The following CNTN3 variants were observed in gnomAD, a reference collection of about 807,000 sequenced individuals.
The protein encoded by CNTN3 is contactin 3.
In CNTN3, 60 loss-of-function variants were observed where a neutral mutation model predicts 119.1. That is an observed-to-expected ratio of 0.50 (90% CI 0.41 to 0.62). The LOEUF (loss-of-function observed/expected upper bound fraction) is 0.62, where lower values mean the gene tolerates loss of function less well. Among genes scored for constraint, CNTN3 ranks in the 20% least tolerant of loss-of-function variants. The pLI, the probability that CNTN3 is intolerant of heterozygous loss-of-function variation, is 0.00. For synonymous variants in CNTN3, 450 were observed against 438.7 expected, an observed-to-expected ratio of 1.03 and a Z score of -0.32; for missense variants, 1,101 against 1,242.4, an observed-to-expected ratio of 0.89 and a Z score of 1.71.
intron 5 of CNTN3, among the ~76,000 whole-genome samples, chr3:74,384,227 T>C (rs1005853906): frequency 7.2e-5 from 11 of 152,234 alleles, no homozygotes; most frequent in African/African-American, 2.7e-4. Flanking sequence ...GTTCCAACTA[T>C]ATTTACCGGA....
chr3:74,409,513 G>GT lies in CNTN3; in HGVS notation c.454+15331dup, dbSNP rs879680280. 3.7e-3 allele frequency among the ~76,000 whole-genome samples: 534 copies of GT among 145,750 alleles called. 2 individuals are homozygous for GT. Among genetic ancestry groups the GT allele is most frequent in the African/African-American group, 5.5e-3 (221 of 40,070 alleles). ...CTCTCTTACATTTATTTTGTCTAAA[G>GT]TTTTTTTTTTTTAACAGTACTATTA... On this transcript the variant is annotated intron_variant, in intron 5 of 22. Coordinates refer to ENST00000263665, the MANE Select transcript of CNTN3 (RefSeq NM_020872.3).
At chr3:74,322,495 A>C (rs915021705) in intron 13 of CNTN3, among the ~76,000 whole-genome samples, 5 of 152,164 alleles carry the variant, frequency 3.3e-5, no homozygotes, top group African/African-American at 1.2e-4. Context: ...GACAACATAA[A>C]ATTCTGGCGA....
intron 20 of CNTN3, among the ~76,000 whole-genome samples, chr3:74,283,267 C>G (rs1170302779): frequency 6.6e-6 from 1 of 152,124 alleles, no homozygotes; most frequent in Non-Finnish European, 1.5e-5. Flanking sequence ...GCTTCCTCCT[C>G]TCTAAAGTAA....
intron 2 of CNTN3, among the ~76,000 whole-genome samples, chr3:74,503,746 G>A (rs1436244985): frequency 3.3e-5 from 5 of 152,018 alleles, no homozygotes; most frequent in Non-Finnish European, 5.9e-5. Flanking sequence ...CGTAACATTC[G>A]GATTGACGCT....
chr3:74,485,561 A>G (rs1702838066), intron 4 of CNTN3, among the ~76,000 whole-genome samples: 1 of 152,112 alleles, frequency 6.6e-6, no homozygotes, highest in African/African-American at 2.4e-5. Context: ...ACCCATCATT[A>G]ATTTAATAAA....
intron 20 of CNTN3, among the ~76,000 whole-genome samples, chr3:74,279,556 C>T (rs1339507687): frequency 6.6e-6 from 1 of 151,390 alleles, no homozygotes; most frequent in Non-Finnish European, 1.5e-5. Flanking sequence ...AACCAAACAT[C>T]GTATGTTCTC....
At chr3:74,330,787 G>A (rs1033741610) in intron 13 of CNTN3, among the ~76,000 whole-genome samples, 5 of 151,892 alleles carry the variant, frequency 3.3e-5, no homozygotes, top group South Asian at 4.2e-4. Flanking sequence ...CTGACCCTGC[G>A]TAGGCCTAGG....
At chr3:74,335,620 C>T (rs771933941) in intron 12 of CNTN3, among the ~76,000 whole-genome samples, 18 of 152,118 alleles carry the variant, frequency 1.2e-4, no homozygotes, top group Non-Finnish European at 2.5e-4. Context: ...CCCTCTTTAA[C>T]TCAGTCTAGC....
At chr3:74,284,247 T>TA (rs1047583109) in intron 20 of CNTN3, among the ~76,000 whole-genome samples, 1 of 152,190 alleles carries the variant, frequency 6.6e-6, no homozygotes, top group African/African-American at 2.4e-5. Flanking sequence ...TTGGAAATGA[T>TA]ATGGAAACAG....
At chr3:74,285,636 C>A in intron 19 of CNTN3, 145 bp from the exon 20 acceptor site, 42 of 701,596 alleles carry the variant, frequency 6.0e-5, no homozygotes, top group Admixed American at 6.6e-5. Context: ...CTAGGTGCTG[C>A]ATTAGGCTGT....
intron 5 of CNTN3, among the ~76,000 whole-genome samples, chr3:74,409,049 A>T (rs1701394285): frequency 6.6e-6 from 1 of 152,192 alleles, no homozygotes; most frequent in Non-Finnish European, 1.5e-5. Flanking sequence ...CATATATATA[A>T]GGGCTATATG....
At chr3:74,401,665 A>G (rs1271340316) in intron 5 of CNTN3, among the ~76,000 whole-genome samples, 3 of 152,190 alleles carry the variant, frequency 2.0e-5, no homozygotes, top group Admixed American at 6.5e-5. Flanking sequence ...ACTACCTTTT[A>G]GAGCATAATT....
At chr3:74,522,268 G>T (rs1036409245) in intron 1 of CNTN3, among the ~76,000 whole-genome samples, 4 of 151,854 alleles carry the variant, frequency 2.6e-5, no homozygotes, top group African/African-American at 7.3e-5. Context: ...ATATTCTTGG[G>T]TAGGTTGTAA....
At chr3:74,268,934 C>T (rs854709) in intron 20 of CNTN3, among the ~76,000 whole-genome samples, 9,022 of 151,456 alleles carry the variant, frequency 0.06, 848 homozygotes, top group African/African-American at 0.19. Flanking sequence ...CCAACATCAG[C>T]CTTCAGGGAG....
chr3:74,493,469 A>C (rs189673655), intron 3 of CNTN3, among the ~76,000 whole-genome samples: 1 of 152,258 alleles, frequency 6.6e-6, no homozygotes, highest in Admixed American at 6.5e-5. Context: ...AGAGAAACAA[A>C]CGTTGCATTT....
At chr3:74,511,367 C>A (rs1269499977) in intron 2 of CNTN3, among the ~76,000 whole-genome samples, 1 of 152,106 alleles carries the variant, frequency 6.6e-6, no homozygotes. Context: ...AATAACATAT[C>A]TTGGATTGAT....
rs534331333 is a variant in CNTN3, at chr3:74,277,158, A to G, written c.2704+8147T>C. On this transcript the variant is annotated intron_variant, in intron 20 of 22. Transcript: ENST00000263665. ...GGTAATTAAAAAATTACCGACTAAA[A>G]AAGTTCAGGAGCAGAAGGATTCACA... 2.1e-3 allele frequency among the ~76,000 whole-genome samples: 325 copies of G among 152,254 alleles called. 1 individual carries two copies. The highest frequency in any genetic ancestry group is 3.0e-3 in the Non-Finnish European group (201 of 67,980).
chr3:74,526,790 A>G (rs1703626164), intron 1 of CNTN3, among the ~76,000 whole-genome samples: 1 of 151,880 alleles, frequency 6.6e-6, no homozygotes, highest in Admixed American at 6.6e-5. Flanking sequence ...ATGAACACCT[A>G]CAGCACTTTA....
intron 20 of CNTN3, 159 bp from the exon 21 acceptor site, chr3:74,267,537 A>G: frequency 3.8e-6 from 2 of 527,470 alleles, no homozygotes; most frequent in Non-Finnish European, 6.8e-6. Context: ...ATAACAGAGT[A>G]TATAAATTTC....
Sources: allele counts gnomAD v4.1 joint callset (sites outside exome capture counted in the v4.1 genomes callset), GRCh38; gene constraint gnomAD v4.1.1; transcripts MANE v1.5; gene names NCBI Gene and HGNC (gene_info 2026-07-23, HGNC 2026-07-21).